Variants in IMPG2 observed in about 807,000 individuals in gnomAD.
IMPG2 encodes the protein interphotoreceptor matrix proteoglycan 2, also known as IPM 200.
A neutral mutation model predicts 129.2 loss-of-function variants in IMPG2; 91 were observed. The ratio of observed to expected loss-of-function variants is 0.70; its 90% CI spans 0.59 to 0.84. IMPG2 has a LOEUF of 0.84. IMPG2 is among the 40% of genes least tolerant of loss of function. The pLI is 0.00. For missense variants in IMPG2, 1,430 were observed against 1,461.7 expected, an observed-to-expected ratio of 0.98 and a Z score of 0.35; for synonymous variants, 510 against 517.7, an observed-to-expected ratio of 0.99 and a Z score of 0.20.
chr3:101,313,071 T>G (rs1331673122), intron 2 of IMPG2, among the ~76,000 whole-genome samples: 1 of 152,130 alleles, frequency 6.6e-6, no homozygotes, highest in African/African-American at 2.4e-5. Context: ...AATTTTGTAG[T>G]ATGAATGGGT....
At chr3:101,285,184 T>A (rs375433480) in intron 4 of IMPG2, among the ~76,000 whole-genome samples, 1 of 152,192 alleles carries the variant, frequency 6.6e-6, no homozygotes, top group African/African-American at 2.4e-5. Context: ...GATGGTAGGG[T>A]TGGAGATATG....
At chr3:101,316,973 T>C (rs1204465728) in intron 2 of IMPG2, among the ~76,000 whole-genome samples, 3 of 151,928 alleles carry the variant, frequency 2.0e-5, no homozygotes, top group South Asian at 2.1e-4. Flanking sequence ...AAAAAAAGAG[T>C]ATATACCAAA....
At position 101,232,883 on chromosome 3, in the gene IMPG2, C is replaced by T; in HGVS notation, c.3131G>A (p.Ser1044Asn). The T allele has an allele frequency of 6.2e-7, 1 of 1,613,976 alleles. No individual in the cohort carries two copies. The highest frequency in any genetic ancestry group is 1.7e-5 in the Admixed American group (1 of 60,000). The change falls in exon 15 of 19, where the codon AGT becomes AAT. Residue 1044 changes from serine (S) to asparagine (N), a missense_variant. Transcript: ENST00000193391. ...AKCRCFPGYL[S>N]VEERPCQSLC... Reference sequence around the variant, plus strand: ...ACTCTGACAGGGCCGTTCTTCCACACTCAGGTATCCAGGGAAGCATCTGCA... The same window carrying T: ...ACTCTGACAGGGCCGTTCTTCCACATTCAGGTATCCAGGGAAGCATCTGCA...
chr3:101,291,357 G>C (rs1707007364), intron 4 of IMPG2, 122 bp downstream of exon 4: 2 of 833,300 alleles, frequency 2.4e-6, no homozygotes, highest in East Asian at 5.0e-5. Context: ...TTATCCACAG[G>C]CCTGGTCATT....
chr3:101,238,189 C>A (rs1482300438), intron 14 of IMPG2, among the ~76,000 whole-genome samples: 3 of 151,838 alleles, frequency 2.0e-5, no homozygotes, highest in East Asian at 1.9e-4. Context: ...TGAAAAGGAA[C>A]AAACAAAGCC....
At position 101,244,473 on chromosome 3, in the gene IMPG2, A is replaced by G. The variant is rs1706451556; in HGVS notation, c.1858T>C (p.Ser620Pro). The G allele has an allele frequency of 6.2e-7, 1 of 1,614,070 alleles. No individual in the cohort carries two copies. Among genetic ancestry groups the G allele is most frequent in the Non-Finnish European group, 8.5e-7 (1 of 1,179,956 alleles). ...AGTGGTTCAGCGCTCTTCTCTGATG[A>G]AGTCTCACTCCATGGCCAAGTAATC... The part of the protein sequence containing the change: ...DLITWPWSET[S>P]SEKSAEPLSK... The change falls in exon 13 of 19, where the codon TCA (serine) becomes CCA (proline). Residue 620 changes from serine (S) to proline (P), a missense_variant. Coordinates refer to ENST00000193391, the MANE Select transcript of IMPG2 (RefSeq NM_016247.4).
At chr3:101,283,083 C>T (rs974136261) in intron 4 of IMPG2, among the ~76,000 whole-genome samples, 1 of 152,120 alleles carries the variant, frequency 6.6e-6, no homozygotes, top group Admixed American at 6.5e-5. Flanking sequence ...AGTGCAGTGG[C>T]GCAATCTCGG....
intron 2 of IMPG2, among the ~76,000 whole-genome samples, chr3:101,312,499 C>CT (rs913334576): frequency 4.0e-5 from 6 of 151,760 alleles, no homozygotes; most frequent in African/African-American, 1.5e-4. Flanking sequence ...AATGGTTATA[C>CT]TTTTTTTAAA....
intron 2 of IMPG2, among the ~76,000 whole-genome samples, chr3:101,304,761 C>T (rs1365891136): frequency 6.6e-6 from 1 of 151,878 alleles, no homozygotes; most frequent in Non-Finnish European, 1.5e-5. Flanking sequence ...GAAGGAGACA[C>T]TGACGTTTAT....
chr3:101,298,347 T>C (rs1240901633), intron 3 of IMPG2, among the ~76,000 whole-genome samples: 1 of 151,982 alleles, frequency 6.6e-6, no homozygotes, highest in Admixed American at 6.5e-5. Flanking sequence ...TGACTCTTTA[T>C]CCAATTTGCC....
intron 4 of IMPG2, among the ~76,000 whole-genome samples, chr3:101,282,951 T>C (rs1706907801): frequency 6.6e-6 from 1 of 152,214 alleles, no homozygotes; most frequent in South Asian, 2.1e-4. Context: ...AAGTGACATA[T>C]TTATTATGGT....
At chr3:101,267,608 T>C in intron 8 of IMPG2, 77 bp from the exon 9 acceptor site, 1 of 1,165,026 alleles carries the variant, frequency 8.6e-7, no homozygotes, top group Non-Finnish European at 1.3e-6. Context: ...AAGTGCAAGT[T>C]ATTCATGTAT....
chr3:101,254,814 T>C (rs1706581437), intron 10 of IMPG2, among the ~76,000 whole-genome samples: 2 of 152,002 alleles, frequency 1.3e-5, no homozygotes, highest in Non-Finnish European at 2.9e-5. Context: ...TGGGAGGTGA[T>C]TGGATCATGG....
intron 9 of IMPG2, among the ~76,000 whole-genome samples, chr3:101,260,090 T>A (rs1036672340): frequency 1.3e-5 from 2 of 152,094 alleles, no homozygotes; most frequent in African/African-American, 4.8e-5. Context: ...CTGGCCTACA[T>A]GGCACAGATC....
intron 9 of IMPG2, among the ~76,000 whole-genome samples, chr3:101,262,005 A>G (rs35902489): frequency 0.13 from 19,512 of 152,046 alleles, 1,313 homozygotes; most frequent in Middle Eastern, 0.17. Context: ...ATTTCCAAAG[A>G]CATTAATCAC....
intron 17 of IMPG2, 113 bp from the exon 18 acceptor site, chr3:101,228,989 G>A: frequency 1.3e-6 from 1 of 799,474 alleles, no homozygotes; most frequent in Non-Finnish European, 2.1e-6. Context: ...CTATTCAGAA[G>A]TATGCTATAA....
intron 2 of IMPG2, among the ~76,000 whole-genome samples, chr3:101,304,855 TA>T (rs5851269): frequency 1.6e-4 from 23 of 147,240 alleles, no homozygotes; most frequent in Middle Eastern, 7.1e-3. Context: ...ATATTTCTGA[TA>T]AAAAAAAAAA....
At chr3:101,238,030 G>T (rs532783398) in intron 14 of IMPG2, among the ~76,000 whole-genome samples, 16 of 152,030 alleles carry the variant, frequency 1.1e-4, no homozygotes, top group African/African-American at 3.4e-4. Context: ...GAACATAAAT[G>T]ACCTGATGGA....
In IMPG2 at chr3:101,275,650, G is replaced by A; in HGVS notation, c.666+13C>T. The A allele has an allele frequency of 6.3e-7, 1 of 1,580,470 alleles. No individual in the cohort carries two copies. The highest frequency in any genetic ancestry group is 2.2e-5 in the East Asian group (1 of 44,752). ...ATGTTAGAAACTAACTAACAAAACAGAGCATCACTCACACTCTCCTCTGGC... is the reference window on the plus strand; with the variant it reads ...ATGTTAGAAACTAACTAACAAAACAAAGCATCACTCACACTCTCCTCTGGC... On this transcript the variant is annotated intron_variant, in intron 6 of 18. Transcript: ENST00000193391.
Sources: gnomAD v4.1 joint callset for allele counts (sites outside exome capture counted in the v4.1 genomes callset) on GRCh38, gnomAD v4.1.1 for gene constraint, MANE v1.5 for transcripts, NCBI Gene and HGNC (gene_info 2026-07-23, HGNC 2026-07-21) for gene names.